Variants in CAMK1D observed in about 807,000 individuals in gnomAD.
CAMK1D encodes calcium/calmodulin dependent protein kinase ID.
In CAMK1D, 9 loss-of-function variants were observed where a neutral mutation model predicts 47.7. The ratio of observed to expected loss-of-function variants is 0.19; its 90% CI spans 0.11 to 0.33. The LOEUF is 0.33. Among genes scored for constraint, CAMK1D ranks in the 10% least tolerant of loss-of-function variants. The probability of loss-of-function intolerance (pLI) is 1.00; values close to 1 mark genes in which losing one functional copy is unlikely to be tolerated. For synonymous variants in CAMK1D, 184 were observed against 184.9 expected (o/e 0.99, Z 0.04); for missense variants, 291 against 488.7 (o/e 0.60, Z 3.81).
intron 6 of CAMK1D, among the ~76,000 whole-genome samples, chr10:12,808,051 A>G (rs1207865526): frequency 6.6e-6 from 1 of 152,146 alleles, no homozygotes; most frequent in African/African-American, 2.4e-5. Flanking sequence ...CTGCTCTTCC[A>G]TGCTGGAATA....
At chr10:12,367,547 A>G (rs935842341) in intron 1 of CAMK1D, among the ~76,000 whole-genome samples, 1 of 151,982 alleles carries the variant, frequency 6.6e-6, no homozygotes, top group Non-Finnish European at 1.5e-5. Flanking sequence ...AACTCACCGT[A>G]ATGTAGAATC....
Position 12,589,034 on chromosome 10 carries a change from C to T in CAMK1D, c.224+35678C>T, listed in dbSNP as rs960285081. On this transcript the variant is annotated intron_variant, in intron 2 of 10. Transcript: ENST00000619168. ...CACACATATTTGAGACAGGGTCTTG[C>T]CCTGTCTCCCAGGCTGGAGTGCAGT... Among the ~76,000 whole-genome samples, 6 of 152,128 alleles carry T rather than the reference C, an allele frequency of 3.9e-5. No homozygotes were observed. In the East Asian group the frequency reaches 9.7e-4, roughly 25 times the overall value.
intron 5 of CAMK1D, among the ~76,000 whole-genome samples, chr10:12,782,926 C>A (rs777073864): frequency 6.6e-6 from 1 of 152,106 alleles, no homozygotes; most frequent in Non-Finnish European, 1.5e-5. Context: ...TCCTCTGATT[C>A]CATGCTGGAT....
intron 6 of CAMK1D, among the ~76,000 whole-genome samples, chr10:12,810,211 A>G (rs1832545283): frequency 6.8e-6 from 1 of 146,490 alleles, no homozygotes; most frequent in East Asian, 2.0e-4. Context: ...CCTTACCACA[A>G]AATAAAATAT....
Position 12,734,766 on chromosome 10 carries a change from T to C in CAMK1D, c.300-26182T>C, listed in dbSNP as rs117426644. On this transcript the variant is annotated intron_variant, in intron 3 of 10. Transcript: ENST00000619168. ...CCCTCCTTAGCCCGATTTTTCTTACTTGTATCAAATTTGCTTTCTCTTTCT... is the reference window on the plus strand; with the variant it reads ...CCCTCCTTAGCCCGATTTTTCTTACCTGTATCAAATTTGCTTTCTCTTTCT... Among the ~76,000 whole-genome samples the C allele has an allele frequency of 3.4e-3, 522 of 152,116 alleles. 1 individual carries two copies. The highest frequency in any genetic ancestry group is 4.9e-3 in the Non-Finnish European group (333 of 68,002).
At chr10:12,422,861 C>T (rs1034769887) in intron 1 of CAMK1D, among the ~76,000 whole-genome samples, 19 of 151,828 alleles carry the variant, frequency 1.3e-4, no homozygotes, top group Non-Finnish European at 2.1e-4. Flanking sequence ...TTAGTAGAGA[C>T]GGGGTTCCTC....
intron 2 of CAMK1D, among the ~76,000 whole-genome samples, chr10:12,665,770 C>A (rs1840409197): frequency 6.6e-6 from 1 of 152,346 alleles, no homozygotes; most frequent in Admixed American, 6.5e-5. Flanking sequence ...TGAGTTAGAA[C>A]TTGGTTATTC....
intron 1 of CAMK1D, among the ~76,000 whole-genome samples, chr10:12,480,389 C>T (rs948843253): frequency 1.2e-4 from 18 of 151,888 alleles, no homozygotes; most frequent in African/African-American, 3.6e-4. Flanking sequence ...GAGCCGAGAT[C>T]GCGCCACTGC....
chr10:12,441,043 C>T (rs1832770325), intron 1 of CAMK1D, among the ~76,000 whole-genome samples: 1 of 152,202 alleles, frequency 6.6e-6, no homozygotes, highest in Admixed American at 6.5e-5. Flanking sequence ...AAAAAGCAGC[C>T]CTTGCTAAGT....
chr10:12,400,091 G>C (rs1291519147), intron 1 of CAMK1D, among the ~76,000 whole-genome samples: 1 of 152,168 alleles, frequency 6.6e-6, no homozygotes, highest in Non-Finnish European at 1.5e-5. Context: ...ATGATGTGAC[G>C]CGATGGGATG....
In CAMK1D at chr10:12,581,275, A is replaced by T. The variant is rs184392043; in HGVS notation, c.224+27919A>T. 3.5e-4 allele frequency among the ~76,000 whole-genome samples: 54 copies of T among 152,174 alleles called. 2 individuals are homozygous for T. In the East Asian group the frequency reaches 9.8e-3, roughly 28 times the overall value. The stretch of plus-strand genomic sequence containing the variant: ...GGTATATATATACCACGATTTCCTT[A>T]TCCACTCGTTGATTGATGGGCATTT... On this transcript the variant is annotated intron_variant, in intron 2 of 10. Coordinates refer to ENST00000619168, the MANE Select transcript of CAMK1D (RefSeq NM_153498.4).
chr10:12,491,820 C>T (rs1834392846), intron 1 of CAMK1D, among the ~76,000 whole-genome samples: 1 of 152,184 alleles, frequency 6.6e-6, no homozygotes, highest in Admixed American at 6.5e-5. Flanking sequence ...CAGAGTCTCA[C>T]ACCATCACCC....
chr10:12,459,658 A>G (rs968410718), intron 1 of CAMK1D, among the ~76,000 whole-genome samples: 1 of 151,980 alleles, frequency 6.6e-6, no homozygotes, highest in East Asian at 1.9e-4. Flanking sequence ...ATTTATTTAT[A>G]TTTTCTCTTC....
At chr10:12,545,237 C>T (rs189974438) in intron 1 of CAMK1D, among the ~76,000 whole-genome samples, 410 of 3,134 alleles carry the variant, frequency 0.13, 3 homozygotes, top group South Asian at 0.39. Flanking sequence ...CTCAGGTGTT[C>T]GAGACCAGCC....
At chr10:12,683,284 G>A (rs1481392800) in intron 3 of CAMK1D, among the ~76,000 whole-genome samples, 6 of 151,866 alleles carry the variant, frequency 4.0e-5, no homozygotes, top group South Asian at 2.1e-4. Context: ...ATGGGGTTTC[G>A]CCATATTGGC....
intron 1 of CAMK1D, among the ~76,000 whole-genome samples, chr10:12,471,097 A>G (rs1455056282): frequency 2.7e-5 from 4 of 150,648 alleles, no homozygotes; most frequent in East Asian, 3.9e-4. Context: ...TTCTAGTTCT[A>G]CTTTCTTGTG....
chr10:12,402,818 T>G (rs2131920746), intron 1 of CAMK1D, among the ~76,000 whole-genome samples: 1 of 152,008 alleles, frequency 6.6e-6, no homozygotes, highest in South Asian at 2.1e-4. Context: ...GGTCTCCTGC[T>G]TGGGTAATTG....
chr10:12,402,194 G>A (rs2131919132), intron 1 of CAMK1D, among the ~76,000 whole-genome samples: 1 of 151,956 alleles, frequency 6.6e-6, no homozygotes, highest in East Asian at 1.9e-4. Context: ...TGCGTGCCTC[G>A]GCTTCCCAAA....
chr10:12,610,959 C>G (rs897958542), intron 2 of CAMK1D, among the ~76,000 whole-genome samples: 3 of 152,166 alleles, frequency 2.0e-5, no homozygotes, highest in African/African-American at 7.2e-5. Flanking sequence ...TAGCAGCAAA[C>G]ACTTACATAG....
Sources: gnomAD v4.1 joint callset for allele counts (sites outside exome capture counted in the v4.1 genomes callset) on GRCh38, gnomAD v4.1.1 for gene constraint, MANE v1.5 for transcripts, NCBI Gene and HGNC (gene_info 2026-07-23, HGNC 2026-07-21) for gene names.